GOLGA3: variants seen among roughly 807,000 people sequenced by gnomAD.
GOLGA3 encodes the protein golgin A3, also known as golgin subfamily A member 3.
Under a neutral mutation model 169.4 loss-of-function variants are expected in GOLGA3, and 75 were observed. The ratio of observed to expected loss-of-function variants is 0.44; its 90% CI spans 0.37 to 0.54. The LOEUF (loss-of-function observed/expected upper bound fraction) is 0.54. GOLGA3 is among the 20% of genes least tolerant of loss of function. GOLGA3 has a pLI of 0.00. For synonymous variants in GOLGA3, 824 were observed against 822.4 expected (o/e 1.00, Z -0.03); for missense variants, 1,899 against 1,930.0 (o/e 0.98, Z 0.30).
chr12:132,804,377 C>A lies in GOLGA3; in HGVS notation c.1597+339G>T, dbSNP rs1949280619. ...CCCTGGATGTGCACACAAAAATGTA[C>A]ACAATTCCACAAGTTCAACTAAAAC... On this transcript the variant is annotated intron_variant, in intron 7 of 23. Coordinates refer to ENST00000450791, the MANE Select transcript of GOLGA3 (RefSeq NM_001389683.1). This position sits in a 1 kb window ranked among gnomAD's most constrained non-coding sequence, Gnocchi z 4.1. 6.6e-6 allele frequency among the ~76,000 whole-genome samples: 1 copy of A among 152,224 alleles called. No homozygotes were observed. The highest frequency in any genetic ancestry group is 2.1e-4 in the South Asian group (1 of 4,838).
rs763809068 is a variant in GOLGA3, at chr12:132,808,016, A to G, written c.1053T>C (p.Pro351=). 26 of 1,611,112 alleles carry G rather than the reference A, an allele frequency of 1.6e-5. No homozygotes were observed. The highest frequency in any genetic ancestry group is 5.0e-5 in the Admixed American group (3 of 59,612). Residue 351 remains proline (P), a synonymous_variant, in exon 5 of 24, where the codon CCT becomes CCC. Coordinates refer to ENST00000450791, the MANE Select transcript of GOLGA3 (RefSeq NM_001389683.1). Reference sequence around the variant, plus strand: ...AGGGGAACTGGCCCAGGGTATCCGCAGGAATCTCCTGGCCGTTGACCATAT... The same window carrying G: ...AGGGGAACTGGCCCAGGGTATCCGCGGGAATCTCCTGGCCGTTGACCATAT... The part of the protein sequence containing the change: ...TPYMVNGQEI[P]ADTLGQFPSI...
At chr12:132,773,938 G>A (rs1220081006) in intron 23 of GOLGA3, among the ~76,000 whole-genome samples, 2 of 138,978 alleles carry the variant, frequency 1.4e-5, no homozygotes, top group African/African-American at 2.8e-5. Flanking sequence ...ATAAACCTCA[G>A]AGGCTGAGTC....
chr12:132,781,049 G>T (rs1241386128), intron 17 of GOLGA3, 135 bp from the exon 18 acceptor site: 11 of 664,974 alleles, frequency 1.7e-5, no homozygotes, highest in Non-Finnish European at 2.9e-5. Flanking sequence ...CACTGCTGAA[G>T]AATCTGTGAC....
intron 15 of GOLGA3, 23 bp from the exon 16 acceptor site, chr12:132,784,330 C>G (rs760169505): frequency 1.3e-6 from 2 of 1,593,284 alleles, no homozygotes; most frequent in Non-Finnish European, 1.7e-6. Context: ...ATGGAACGGG[C>G]GCTTGGTCAT....
At chr12:132,789,318 C>G in intron 12 of GOLGA3, 28 bp from the exon 13 acceptor site, 3 of 1,540,040 alleles carry the variant, frequency 1.9e-6, no homozygotes, top group Non-Finnish European at 2.6e-6. Flanking sequence ...TGTGAGCGGA[C>G]GCTGGGCGGC....
rs1309136991 is a variant in GOLGA3 at position 132,796,483 on chromosome 12, G to A, written c.2100+56C>T. On this transcript the variant is annotated intron_variant, in intron 10 of 23. Transcript: ENST00000450791. Reference sequence around the variant, plus strand: ...GCTCGGTCTCCTTGTGTGCAGTCCTGGCTGCTCGGGATCACCTGGGGCCTG... The same window carrying A: ...GCTCGGTCTCCTTGTGTGCAGTCCTAGCTGCTCGGGATCACCTGGGGCCTG... 3.9e-6 allele frequency: 6 copies of A among 1,555,254 alleles called. No homozygotes were observed. In the African/African-American group the frequency reaches 8.1e-5, roughly 21 times the overall value.
At chr12:132,826,828 A>G (rs574925783) in intron 1 of GOLGA3, among the ~76,000 whole-genome samples, 9 of 151,302 alleles carry the variant, frequency 5.9e-5, no homozygotes, top group Non-Finnish European at 1.2e-4. Flanking sequence ...GACTACTGAC[A>G]AAAAGCGATC....
At chr12:132,792,322 G>A (rs927827897) in intron 11 of GOLGA3, among the ~76,000 whole-genome samples, 1 of 152,212 alleles carries the variant, frequency 6.6e-6, no homozygotes, top group Non-Finnish European at 1.5e-5. Flanking sequence ...ATGCCTGATG[G>A]GAAAAGACTG....
rs112064285 is a variant in GOLGA3 at position 132,785,347 on chromosome 12, C to G, written c.3123+992G>C. ...ATTTCAGACACAGAGTCTCTATCGC[C>G]CGGGCTGGAGTGCAGCAGCAAAATC... On this transcript the variant is annotated intron_variant, in intron 15 of 23. Transcript: ENST00000450791. 1.2e-3 allele frequency among the ~76,000 whole-genome samples: 183 copies of G among 152,290 alleles called. 1 individual carries two copies. The highest frequency in any genetic ancestry group is 4.2e-3 in the African/African-American group (175 of 41,550).
rs369784105 is a variant in GOLGA3, at chr12:132,795,943, T to C, written c.2378A>G (p.Asp793Gly). ...TTCTTCCAAGCGTCTTGCTCCTCTG[T>C]CAAGCTCCTCCTTGCCACTCTTGGC... ...QAAKSGKEELDRGARRLEEGT... is the reference protein window; with the variant it reads ...QAAKSGKEELGRGARRLEEGT... The change falls in exon 11 of 24, where the codon GAC becomes GGC. Residue 793 changes from aspartate to glycine, a missense_variant. Asp to Gly is a moderately conservative substitution (Grantham distance 94, BLOSUM62 -1). Coordinates refer to ENST00000450791, the MANE Select transcript of GOLGA3 (RefSeq NM_001389683.1). 2.3e-4 allele frequency: 374 copies of C among 1,614,112 alleles called. 4 individuals carry two copies. The South Asian group carries it at 3.1e-3, about 13-fold the overall frequency.
intron 21 of GOLGA3, among the ~76,000 whole-genome samples, chr12:132,776,062 C>T (rs565860209): frequency 2.1e-4 from 32 of 152,352 alleles, no homozygotes; most frequent in African/African-American, 7.5e-4. Flanking sequence ...CGCCAGCTCC[C>T]CGGGAGCACT....
chr12:132,819,536 G>A (rs12316110), intron 2 of GOLGA3, among the ~76,000 whole-genome samples: 71,360 of 151,520 alleles, frequency 0.47, 18,416 homozygotes, highest in Non-Finnish European at 0.61. Context: ...CTCAAAAAAA[G>A]AAAAGGTTTC....
intron 1 of GOLGA3, among the ~76,000 whole-genome samples, chr12:132,822,870 TG>T (rs1376277912): frequency 1.3e-5 from 2 of 152,126 alleles, no homozygotes; most frequent in Non-Finnish European, 2.9e-5. Flanking sequence ...TGCAGTGAGC[TG>T]AGATCGCACC....
rs1337125083 is a variant in GOLGA3, at chr12:132,776,804, A to C, written c.3856-48T>G. ...GCCAAAAGAATATTAAAGTGGCTTT[A>C]CTGCCCTGGAAAATGGCTCTAGCTG... On this transcript the variant is annotated intron_variant, in intron 20 of 23. Transcript: ENST00000450791. The C allele has an allele frequency of 1.9e-6, 3 of 1,604,172 alleles. No homozygotes were observed. The African/African-American group carries it at 4.0e-5, about 22-fold the overall frequency.
chr12:132,786,864 A>AC, intron 13 of GOLGA3, 77 bp from the exon 14 acceptor site: 1 of 1,015,250 alleles, frequency 9.8e-7, no homozygotes, highest in South Asian at 1.3e-5. Context: ...CCAGCCCATC[A>AC]CCCCCACCAA....
chr12:132,799,245 A>T (rs74611076), intron 8 of GOLGA3, among the ~76,000 whole-genome samples: 3,930 of 152,284 alleles, frequency 0.026, 143 homozygotes, highest in African/African-American at 0.089. Context: ...GACTGCCTGG[A>T]ATTCTCCTCC....
Position 132,773,100 on chromosome 12 carries a change from A to G in GOLGA3, c.*5T>C, listed in dbSNP as rs756433590. On this transcript the variant is annotated 3_prime_UTR_variant, in exon 24 of 24. Coordinates refer to ENST00000450791, the MANE Select transcript of GOLGA3 (RefSeq NM_001389683.1). ...CAGCGGCGCACGGAGGCGAGTCCAC[A>G]GCAGTCACTCTCCCGGCCCTTCTTT... 3.2e-6 allele frequency: 5 copies of G among 1,565,276 alleles called. No individual in the cohort carries two copies. The highest frequency in any genetic ancestry group is 3.5e-6 in the Non-Finnish European group (4 of 1,152,870).
At chr12:132,780,650 G>A in intron 18 of GOLGA3, 148 bp downstream of exon 18, 1 of 669,954 alleles carries the variant, frequency 1.5e-6, no homozygotes, top group Non-Finnish European at 2.7e-6. Context: ...CAGAGCAGGT[G>A]CTCTGCGGCC....
chr12:132,792,608 C>A (rs1270978380), intron 11 of GOLGA3, among the ~76,000 whole-genome samples: 1 of 151,112 alleles, frequency 6.6e-6, no homozygotes, highest in Non-Finnish European at 1.5e-5. Context: ...AGACCCACCC[C>A]ACGGGACCTG....
Sources: allele counts gnomAD v4.1 joint callset (sites outside exome capture counted in the v4.1 genomes callset), GRCh38; gene constraint gnomAD v4.1.1; non-coding constraint Gnocchi (gnomAD v3.1); transcripts MANE v1.5; gene names NCBI Gene and HGNC (gene_info 2026-07-23, HGNC 2026-07-21).